Variants in PLXNA2 observed in about 807,000 individuals in gnomAD.
PLXNA2 encodes plexin-A2.
Under a neutral mutation model 193.5 loss-of-function variants are expected in PLXNA2, and 91 were observed. The observed-to-expected ratio is 0.47, with a 90% confidence interval of 0.40 to 0.56. The LOEUF (loss-of-function observed/expected upper bound fraction) is 0.56. Among genes scored for constraint, PLXNA2 ranks in the 20% least tolerant of loss-of-function variants. The pLI, the probability that PLXNA2 is intolerant of heterozygous loss-of-function variation, is 0.00. For synonymous variants in PLXNA2, 997 were observed against 1,027.3 expected (o/e 0.97, Z 0.56); for missense variants, 1,995 against 2,503.2 (o/e 0.80, Z 4.33).
intron 4 of PLXNA2, among the ~76,000 whole-genome samples, chr1:208,137,095 C>T (rs928032044): frequency 1.6e-4 from 25 of 152,154 alleles, no homozygotes; most frequent in Non-Finnish European, 3.2e-4. Context: ...AACATCTATG[C>T]TATTTTGCCT....
chr1:208,193,383 T>G (rs1670248303), intron 3 of PLXNA2, among the ~76,000 whole-genome samples: 1 of 152,218 alleles, frequency 6.6e-6, no homozygotes, highest in Non-Finnish European at 1.5e-5. Flanking sequence ...ATCTAGGCAA[T>G]GATTAGTGTG....
At chr1:208,047,411 C>G (rs1665114532) in intron 17 of PLXNA2, among the ~76,000 whole-genome samples, 1 of 96,490 alleles carries the variant, frequency 1.0e-5, no homozygotes. Flanking sequence ...CCTGGCTGGG[C>G]TGGTCCAGTC....
intron 17 of PLXNA2, among the ~76,000 whole-genome samples, chr1:208,047,484 C>T (rs1219224910): frequency 6.6e-6 from 1 of 152,240 alleles, no homozygotes; most frequent in Non-Finnish European, 1.5e-5. Context: ...CTGCCCAAGA[C>T]AGCAGCCAGA....
chr1:208,107,613 A>C (rs1482697588), intron 4 of PLXNA2, among the ~76,000 whole-genome samples: 5 of 152,120 alleles, frequency 3.3e-5, no homozygotes, highest in African/African-American at 1.2e-4. Context: ...TCAAGAAGGA[A>C]AGGGAGCTTT....
At chr1:208,039,047 T>C in intron 24 of PLXNA2, 63 bp from the exon 25 acceptor site, 1 of 1,467,154 alleles carries the variant, frequency 6.8e-7, no homozygotes, top group Non-Finnish European at 9.4e-7. Context: ...AGGGAGAGGG[T>C]CAGGACCTCA....
chr1:208,106,655 C>T (rs891877523), intron 4 of PLXNA2, among the ~76,000 whole-genome samples: 2 of 152,184 alleles, frequency 1.3e-5, no homozygotes. Flanking sequence ...GAAAAAATTA[C>T]ATCAATAATT....
chr1:208,208,256 C>T (rs1032662266), intron 3 of PLXNA2, among the ~76,000 whole-genome samples: 1 of 152,180 alleles, frequency 6.6e-6, no homozygotes, highest in South Asian at 2.1e-4. Flanking sequence ...CCCTAGCTGA[C>T]CTCTGTAGCA....
In PLXNA2 at chr1:208,126,224, A is replaced by C. The variant is rs1379589398; in HGVS notation, c.1506+16105T>G. On this transcript the variant is annotated intron_variant, in intron 4 of 31. Transcript: ENST00000367033. ...GTGAGCAGGAGGCTAGCTTACCCTA[A>C]CTCTCTGCAGAAATCTGTTAGACCC... 2.6e-5 allele frequency among the ~76,000 whole-genome samples: 4 copies of C among 151,988 alleles called. No homozygotes were observed. The East Asian group carries it at 7.7e-4, about 29-fold the overall frequency.
intron 4 of PLXNA2, 41 bp downstream of exon 4, chr1:208,142,288 T>C: frequency 6.4e-7 from 1 of 1,551,892 alleles, no homozygotes. Flanking sequence ...TATCAGCAGT[T>C]TCTTGGAGTT....
chr1:208,158,621 C>T (rs1321542158), intron 3 of PLXNA2, among the ~76,000 whole-genome samples: 1 of 152,180 alleles, frequency 6.6e-6, no homozygotes, highest in Non-Finnish European at 1.5e-5. Context: ...AAAGGAACAC[C>T]CCCCAACTCC....
intron 4 of PLXNA2, among the ~76,000 whole-genome samples, chr1:208,112,742 G>A (rs78814555): frequency 0.021 from 3,173 of 152,202 alleles, 49 homozygotes; most frequent in Middle Eastern, 0.044. Context: ...TGTAACTGCC[G>A]TCTTTATTAA....
At chr1:208,111,073 G>A (rs530061994) in intron 4 of PLXNA2, among the ~76,000 whole-genome samples, 1 of 152,014 alleles carries the variant, frequency 6.6e-6, no homozygotes, top group South Asian at 2.1e-4. Context: ...TTTTTTAAAC[G>A]ACAGTCTTGT....
At chr1:208,032,097 C>T in intron 28 of PLXNA2, 1 of 985,426 alleles carries the variant, frequency 1.0e-6, no homozygotes. Flanking sequence ...GGCTGCAAGC[C>T]AGTCCGGAAA....
Position 208,084,506 on chromosome 1 carries a change from C to T in PLXNA2, c.2172G>A (p.Ala724=), listed in dbSNP as rs759361613. Residue 724 remains alanine, a synonymous_variant, in exon 10 of 32, where the codon GCG becomes GCA. Coordinates refer to ENST00000367033, the MANE Select transcript of PLXNA2 (RefSeq NM_025179.4). The part of the protein sequence containing the change: ...VGEVKPITLK[A]RNLPQPQSGQ... Reference sequence around the variant, plus strand: ...CGGACTGCGGCTGGGGCAGATTTCGCGCCTTAAGGGTGATTGGCTTTACCT... The same window carrying T: ...CGGACTGCGGCTGGGGCAGATTTCGTGCCTTAAGGGTGATTGGCTTTACCT... 2.0e-5 allele frequency: 33 copies of T among 1,614,106 alleles called. No homozygotes were observed. In the East Asian group the frequency reaches 2.7e-4, roughly 13 times the overall value.
intron 4 of PLXNA2, among the ~76,000 whole-genome samples, chr1:208,109,679 TGGCCAACTGGAGGAGAATCCTCCAC>T (rs1667398644): frequency 6.6e-6 from 1 of 152,236 alleles, no homozygotes; most frequent in Admixed American, 6.5e-5. Flanking sequence ...AGTGGCAAAG[TGGCCAACTGGAGGAGAATCCTCCAC>T]GGCCCATGAT....
chr1:208,116,122 C>T (rs1373190581), intron 4 of PLXNA2, among the ~76,000 whole-genome samples: 1 of 152,194 alleles, frequency 6.6e-6, no homozygotes, highest in East Asian at 1.9e-4. Flanking sequence ...TACATTCCTG[C>T]TAATCCAAAC....
chr1:208,102,327 G>A (rs961803175), intron 5 of PLXNA2, among the ~76,000 whole-genome samples: 2 of 152,252 alleles, frequency 1.3e-5, no homozygotes, highest in African/African-American at 4.8e-5. Flanking sequence ...CTGGCATGGA[G>A]CCCTGGAGTT....
In PLXNA2 at chr1:208,052,427, G is replaced by A; in HGVS notation, c.2893C>T (p.Pro965Ser). 6.2e-7 allele frequency: 1 copy of A among 1,614,148 alleles called. No homozygotes were observed. The highest frequency in any genetic ancestry group is 8.5e-7 in the Non-Finnish European group (1 of 1,179,990). The part of the protein sequence containing the change: ...SVLSLNPIRG[P>S]ESGGTMVTIT... ...GTCACCATAGTGCCTCCTGACTCGG[G>A]ACCTCGGATTGGGTTGAGTGACAGC... is the stretch of plus-strand genomic sequence containing the variant. The change falls in exon 15 of 32, where the codon CCC becomes TCC. Residue 965 changes from proline to serine, a missense_variant. Around this residue, in one of 3 missense-constraint regions of PLXNA2, gnomAD observed 1,291 missense variants for 1,673.6 expected, o/e 0.77. Transcript: ENST00000367033.
intron 1 of PLXNA2, among the ~76,000 whole-genome samples, chr1:208,220,414 T>C (rs566153529): frequency 4.6e-5 from 7 of 152,090 alleles, no homozygotes; most frequent in African/African-American, 1.7e-4. Context: ...CAGTGAGCAC[T>C]TAACTTATGT....
Sources: allele counts gnomAD v4.1 joint callset (sites outside exome capture counted in the v4.1 genomes callset), GRCh38; gene constraint gnomAD v4.1.1; regional missense constraint gnomAD v4.1.1; transcripts MANE v1.5; gene names NCBI Gene and HGNC (gene_info 2026-07-23, HGNC 2026-07-21).